Variants in ARSG observed in about 807,000 individuals in gnomAD.
The protein encoded by ARSG is arylsulfatase G.
Under a neutral mutation model 50.5 loss-of-function variants are expected in ARSG, and 37 were observed. The ratio of observed to expected loss-of-function variants is 0.73; its 90% CI spans 0.56 to 0.96. The LOEUF is 0.96. Among genes scored for constraint, ARSG ranks in the 50% least tolerant of loss-of-function variants. The pLI is 0.00. For missense variants in ARSG, 629 were observed against 675.3 expected (o/e 0.93, Z 0.76); for synonymous variants, 225 against 254.6 (o/e 0.88, Z 1.11).
At chr17:68,376,963 G>A (rs552504768) in intron 8 of ARSG, among the ~76,000 whole-genome samples, 2 of 151,940 alleles carry the variant, frequency 1.3e-5, no homozygotes, top group East Asian at 1.9e-4. Context: ...AGGTTCAAGC[G>A]ATTCTCCTGC....
At chr17:68,260,355 G>A (rs1555744987) in intron 1 of ARSG, among the ~76,000 whole-genome samples, 1 of 152,036 alleles carries the variant, frequency 6.6e-6, no homozygotes, top group East Asian at 1.9e-4. Context: ...TTTTTCCCCC[G>A]GGTTGTTTAC....
chr17:68,418,731 A>T (rs1002778066), intron 11 of ARSG, among the ~76,000 whole-genome samples: 2 of 152,148 alleles, frequency 1.3e-5, no homozygotes, highest in Admixed American at 6.5e-5. Context: ...TTTATTTTTC[A>T]TAAGAATGCC....
upstream of ARSG, among the ~76,000 whole-genome samples, chr17:68,289,933 G>A (rs1391449960): frequency 6.6e-6 from 1 of 152,144 alleles, no homozygotes. Flanking sequence ...TGAGAAGAGG[G>A]GTTTCTATTA....
At chr17:68,260,218 G>A (rs782047038) in intron 1 of ARSG, among the ~76,000 whole-genome samples, 1 of 152,192 alleles carries the variant, frequency 6.6e-6, no homozygotes, top group Non-Finnish European at 1.5e-5. Context: ...GAGTAAACTT[G>A]CTTGTTGTTT....
At chr17:68,276,870 T>C (rs1325430573) in intron 1 of ARSG, among the ~76,000 whole-genome samples, 2 of 152,208 alleles carry the variant, frequency 1.3e-5, no homozygotes, top group African/African-American at 2.4e-5. Flanking sequence ...TAGCCCTTTA[T>C]AGGACCAAGT....
At chr17:68,406,920 G>T (rs1203946470) in intron 11 of ARSG, among the ~76,000 whole-genome samples, 1 of 152,114 alleles carries the variant, frequency 6.6e-6, no homozygotes, top group Non-Finnish European at 1.5e-5. Context: ...TTGCTTTTGG[G>T]TTCTTGTTCA....
intron 2 of ARSG, among the ~76,000 whole-genome samples, chr17:68,321,966 G>A (rs1555770730): frequency 6.6e-6 from 1 of 152,080 alleles, no homozygotes; most frequent in African/African-American, 2.4e-5. Flanking sequence ...GCCAGGAGGG[G>A]GAAAAAAGGT....
chr17:68,297,188 ACTT>A (rs1324484877), intron 1 of ARSG, among the ~76,000 whole-genome samples: 1 of 152,216 alleles, frequency 6.6e-6, no homozygotes, highest in Non-Finnish European at 1.5e-5. Context: ...TGGAAATGTA[ACTT>A]CCATTTTCAA....
At chr17:68,445,465 C>T in the ARSG span, among the ~76,000 whole-genome samples, 3 of 152,266 alleles carry the variant, frequency 2.0e-5, no homozygotes, top group Admixed American at 6.5e-5. Flanking sequence ...GCTTTTGGGC[C>T]GCTGTCTGAG....
chr17:68,309,980 G>GTTT (rs140921838), intron 2 of ARSG, among the ~76,000 whole-genome samples: 76 of 147,854 alleles, frequency 5.1e-4, no homozygotes, highest in Non-Finnish European at 5.7e-4. Context: ...GTTTTGTTGT[G>GTTT]TTTTTTTTTT....
intron 3 of ARSG, among the ~76,000 whole-genome samples, chr17:68,344,138 C>T (rs1167741321): frequency 6.6e-6 from 1 of 152,186 alleles, no homozygotes; most frequent in Non-Finnish European, 1.5e-5. Flanking sequence ...TCATGACTGC[C>T]ATCCAGCGAC....
At chr17:68,263,933 C>T (rs1162585011) in intron 1 of ARSG, among the ~76,000 whole-genome samples, 1 of 152,182 alleles carries the variant, frequency 6.6e-6, no homozygotes, top group Non-Finnish European at 1.5e-5. Flanking sequence ...TCTCGACTCA[C>T]TGCAACCTCC....
intron 11 of ARSG, among the ~76,000 whole-genome samples, chr17:68,408,155 G>C (rs1012569631): frequency 1.3e-5 from 2 of 151,540 alleles, no homozygotes; most frequent in African/African-American, 4.9e-5. Flanking sequence ...TTAAGTTTTA[G>C]GGTACATGCG....
chr17:68,415,472 T>A (rs2082307363), intron 11 of ARSG, among the ~76,000 whole-genome samples: 1 of 152,220 alleles, frequency 6.6e-6, no homozygotes, highest in Non-Finnish European at 1.5e-5. Flanking sequence ...TTCCATGCAC[T>A]ACTGAATAGA....
chr17:68,331,002 G>A (rs1248684720), intron 2 of ARSG, among the ~76,000 whole-genome samples: 7 of 143,514 alleles, frequency 4.9e-5, no homozygotes, highest in South Asian at 4.6e-4. Flanking sequence ...GGTGGTGGGC[G>A]GGGACAGAGT....
intron 1 of ARSG, among the ~76,000 whole-genome samples, chr17:68,281,173 A>C (rs1250346149): frequency 2.0e-5 from 3 of 152,064 alleles, no homozygotes; most frequent in Non-Finnish European, 4.4e-5. Context: ...AAGGGTAGAC[A>C]ATATTTGCAA....
chr17:68,315,772 A>G (rs2077047177), intron 2 of ARSG, among the ~76,000 whole-genome samples: 1 of 152,144 alleles, frequency 6.6e-6, no homozygotes, highest in South Asian at 2.1e-4. Flanking sequence ...AGCTGGGACT[A>G]CAAGTGTGTG....
At chr17:68,382,351 G>A (rs1298664523) in intron 8 of ARSG, among the ~76,000 whole-genome samples, 1 of 152,194 alleles carries the variant, frequency 6.6e-6, no homozygotes, top group African/African-American at 2.4e-5. Context: ...AACTTGAGAG[G>A]TTGTCATAAG....
At chr17:68,357,852 G>T (rs2079102636) in intron 6 of ARSG, among the ~76,000 whole-genome samples, 1 of 152,140 alleles carries the variant, frequency 6.6e-6, no homozygotes, top group South Asian at 2.1e-4. Context: ...TTTTACAACA[G>T]AGATAGGATA....
Sources: allele counts gnomAD v4.1 joint callset (sites outside exome capture counted in the v4.1 genomes callset), GRCh38; gene constraint gnomAD v4.1.1; transcripts MANE v1.5; gene names NCBI Gene and HGNC (gene_info 2026-07-23, HGNC 2026-07-21).